The following KCNMA1 variants were observed in gnomAD, a reference collection of about 807,000 sequenced individuals.
KCNMA1 encodes potassium calcium-activated channel subfamily M alpha 1.
KCNMA1 carries 29 observed loss-of-function variants against 140.0 expected under a neutral mutation model. The ratio of observed to expected loss-of-function variants is 0.21; its 90% CI spans 0.15 to 0.28. KCNMA1 has a LOEUF of 0.28. KCNMA1 is among the 10% of genes least tolerant of loss of function. The pLI, the probability that KCNMA1 is intolerant of heterozygous loss-of-function variation, is 1.00. For synonymous variants in KCNMA1, 612 were observed against 611.9 expected (o/e 1.00, Z 0.00); for missense variants, 880 against 1,602.2 (o/e 0.55, Z 7.70).
At chr10:77,406,116 T>G (rs990736995) in intron 1 of KCNMA1, among the ~76,000 whole-genome samples, 1 of 152,094 alleles carries the variant, frequency 6.6e-6, no homozygotes, top group East Asian at 1.9e-4. Flanking sequence ...CCTGCTGACA[T>G]GTGTGGGACC....
chr10:77,064,063 T>C (rs1267686577), intron 14 of KCNMA1: 1 of 985,328 alleles, frequency 1.0e-6, no homozygotes. Context: ...TGTGTATATG[T>C]TATGTAATCT....
chr10:77,229,752 T>C (rs565158009), intron 3 of KCNMA1, among the ~76,000 whole-genome samples: 26 of 152,212 alleles, frequency 1.7e-4, no homozygotes, highest in Admixed American at 1.6e-3. Context: ...TGGCTATATA[T>C]ATATATATAT....
intron 25 of KCNMA1, among the ~76,000 whole-genome samples, chr10:76,894,910 C>T (rs959350750): frequency 6.6e-5 from 10 of 152,140 alleles, no homozygotes; most frequent in African/African-American, 2.2e-4. Context: ...GAGACCACCC[C>T]TCACATTGTG....
At chr10:77,221,929 C>T (rs2049826190) in intron 3 of KCNMA1, among the ~76,000 whole-genome samples, 2 of 152,208 alleles carry the variant, frequency 1.3e-5, no homozygotes, top group South Asian at 4.1e-4. Context: ...AATCCCAGCT[C>T]TGTCACTTAC....
At chr10:77,121,136 G>T in intron 5 of KCNMA1, 88 bp from the exon 6 acceptor site, 1 of 855,488 alleles carries the variant, frequency 1.2e-6, no homozygotes, top group Non-Finnish European at 1.9e-6. Context: ...AGTTCCCAAG[G>T]GTCGAAGGGA....
intron 3 of KCNMA1, among the ~76,000 whole-genome samples, chr10:77,187,655 G>C (rs946798564): frequency 6.6e-6 from 1 of 152,176 alleles, no homozygotes; most frequent in Admixed American, 6.5e-5. Flanking sequence ...AGGGGGCAGG[G>C]GGCAGGCAGA....
intron 5 of KCNMA1, among the ~76,000 whole-genome samples, chr10:77,121,492 C>G (rs992458265): frequency 1.3e-5 from 2 of 151,662 alleles, no homozygotes; most frequent in Admixed American, 6.6e-5. Context: ...TATTTTTTAT[C>G]TTTATCTTCA....
At chr10:77,433,308 A>G (rs1476907462) in intron 1 of KCNMA1, among the ~76,000 whole-genome samples, 1 of 152,130 alleles carries the variant, frequency 6.6e-6, no homozygotes, top group Non-Finnish European at 1.5e-5. Flanking sequence ...GCACACCACC[A>G]CATCTGGCTA....
intron 1 of KCNMA1, among the ~76,000 whole-genome samples, chr10:77,579,661 AAG>A (rs1377765515): frequency 6.6e-6 from 1 of 152,144 alleles, no homozygotes; most frequent in Non-Finnish European, 1.5e-5. Context: ...TTTTAAGAAA[AAG>A]AAAGACAAGA....
chr10:77,293,553 A>G (rs1191875857), intron 2 of KCNMA1, among the ~76,000 whole-genome samples: 1 of 152,214 alleles, frequency 6.6e-6, no homozygotes, highest in Non-Finnish European at 1.5e-5. Flanking sequence ...ACTGATGCAC[A>G]TCCACATAGC....
chr10:77,222,412 A>G (rs557071870), intron 3 of KCNMA1, among the ~76,000 whole-genome samples: 1 of 152,212 alleles, frequency 6.6e-6, no homozygotes, highest in Non-Finnish European at 1.5e-5. Flanking sequence ...TGTGATAAGC[A>G]AAGCCTAAAC....
intron 1 of KCNMA1, among the ~76,000 whole-genome samples, chr10:77,516,396 C>G (rs1184460829): frequency 6.6e-6 from 1 of 152,162 alleles, no homozygotes; most frequent in Non-Finnish European, 1.5e-5. Flanking sequence ...CTTATGGCCA[C>G]CTGGCTTCTC....
intron 1 of KCNMA1, chr10:77,635,009 C>G (rs2093607603): frequency 6.6e-6 from 1 of 152,140 alleles, no homozygotes; most frequent in Non-Finnish European, 1.5e-5. Flanking sequence ...TCTATACTGG[C>G]CTCACATCTT....
At chr10:77,403,500 C>T (rs992889494) in intron 2 of KCNMA1, among the ~76,000 whole-genome samples, 1 of 152,184 alleles carries the variant, frequency 6.6e-6, no homozygotes, top group Admixed American at 6.5e-5. Context: ...TCCCCAGGAT[C>T]CCCGCATTTG....
At chr10:76,929,991 A>G (rs1374614546) in intron 23 of KCNMA1, 2 of 152,218 alleles carry the variant, frequency 1.3e-5, no homozygotes, top group Non-Finnish European at 2.9e-5. Flanking sequence ...AAATGGATTA[A>G]AGACTTGAAT....
intron 3 of KCNMA1, among the ~76,000 whole-genome samples, chr10:77,237,817 T>G (rs898212850): frequency 1.3e-5 from 2 of 152,132 alleles, no homozygotes; most frequent in Admixed American, 6.6e-5. Context: ...AATATGAATA[T>G]ACAATTCTGG....
chr10:77,049,605 G>A lies in KCNMA1; in HGVS notation c.1750-9968C>T, dbSNP rs181458579. Among the ~76,000 whole-genome samples, 11 of 152,302 alleles carry A rather than the reference G, an allele frequency of 7.2e-5. No individual in the cohort carries two copies. In the East Asian group the frequency reaches 2.1e-3, roughly 29 times the overall value. Reference sequence around the variant, plus strand: ...GCACAGTACTTTGCAAATAAGAGGTGCTGGGTTAATATCTGCTGAGTTGAA... The same window carrying A: ...GCACAGTACTTTGCAAATAAGAGGTACTGGGTTAATATCTGCTGAGTTGAA... On this transcript the variant is annotated intron_variant, in intron 14 of 27. Coordinates refer to ENST00000286628, the MANE Select transcript of KCNMA1 (RefSeq NM_001161352.2).
chr10:77,036,611 AT>A (rs1237020186), intron 15 of KCNMA1, among the ~76,000 whole-genome samples: 5 of 152,160 alleles, frequency 3.3e-5, no homozygotes, highest in Non-Finnish European at 7.4e-5. Flanking sequence ...ATATTCCCCA[AT>A]TCTTTTTCTT....
At position 77,119,079 on chromosome 10, in the gene KCNMA1, C is replaced by T. The variant is rs2097542120; in HGVS notation, c.884+1894G>A. ...TCCACCCCGTGACTCTTCCCTAGGG[C>T]CATTCTCTCCCTCGTCCCCTGGCTG... On this transcript the variant is annotated intron_variant, in intron 6 of 27. Transcript: ENST00000286628. 2.0e-5 allele frequency among the ~76,000 whole-genome samples: 3 copies of T among 152,184 alleles called. No individual in the cohort carries two copies. In the South Asian group the frequency reaches 6.2e-4, roughly 32 times the overall value.
Sources: gnomAD v4.1 joint callset for allele counts (sites outside exome capture counted in the v4.1 genomes callset) on GRCh38, gnomAD v4.1.1 for gene constraint, MANE v1.5 for transcripts, NCBI Gene and HGNC (gene_info 2026-07-23, HGNC 2026-07-21) for gene names.